PCDH9: variants seen among roughly 807,000 people sequenced by gnomAD.
The protein encoded by PCDH9 is protocadherin 9.
Under a neutral mutation model 70.6 loss-of-function variants are expected in PCDH9, and 24 were observed. The observed-to-expected ratio is 0.34, with a 90% CI of 0.25 to 0.48. The LOEUF is 0.48. PCDH9 is among the 20% of genes least tolerant of loss of function. The probability of loss-of-function intolerance (pLI) is 0.99; values close to 1 mark genes in which losing one functional copy is unlikely to be tolerated. For missense variants in PCDH9, 1,281 were observed against 1,503.6 expected (o/e 0.85, Z 2.45); for synonymous variants, 562 against 558.5 (o/e 1.01, Z -0.09).
chr13:67,210,846 A>G (rs2138081378), intron 2 of PCDH9: 1 of 152,162 alleles, frequency 6.6e-6, no homozygotes, highest in East Asian at 1.9e-4. Flanking sequence ...TACATTGCAT[A>G]GTCACTTATA....
At chr13:67,110,324 GGCCAAC>G (rs1292647759) in intron 2 of PCDH9, among the ~76,000 whole-genome samples, 1 of 151,896 alleles carries the variant, frequency 6.6e-6, no homozygotes, top group Non-Finnish European at 1.5e-5. Context: ...AGACCAGCCT[GGCCAAC>G]ACGGTGAAAC....
rs769228787 is a variant in PCDH9 at position 67,228,011 on chromosome 13, A to C, written c.430T>G (p.Ser144Ala). 6.2e-7 allele frequency: 1 copy of C among 1,614,070 alleles called. No homozygotes were observed. Residue 144 changes from serine to alanine, a missense_variant, in exon 2 of 5, where the codon TCT becomes GCT. Around this residue, in one of 4 missense-constraint regions of PCDH9, gnomAD observed 798 missense variants for 1,003.1 expected, o/e 0.80. Transcript: ENST00000377865. Reference protein sequence around the residue: ...DTNDNAPMFPSPVINISIPEN... With the variant: ...DTNDNAPMFPAPVINISIPEN... ...GGAATGGAAATATTGATGACAGGAGATGGAAACATGGGGGCATTATCATTG... is the reference window on the plus strand; with the variant it reads ...GGAATGGAAATATTGATGACAGGAGCTGGAAACATGGGGGCATTATCATTG...
intron 3 of PCDH9, among the ~76,000 whole-genome samples, chr13:66,773,438 C>A (rs1360151984): frequency 1.3e-5 from 2 of 151,496 alleles, no homozygotes; most frequent in African/African-American, 2.4e-5. Context: ...ACCATCCTGG[C>A]TAATACAGTG....
At chr13:67,030,014 A>C (rs756306061) in intron 2 of PCDH9, among the ~76,000 whole-genome samples, 6 of 152,184 alleles carry the variant, frequency 3.9e-5, no homozygotes, top group Non-Finnish European at 7.3e-5. Flanking sequence ...GAAAGAGACT[A>C]CATTTCATCT....
At chr13:66,752,368 C>T (rs1423350063) in intron 3 of PCDH9, among the ~76,000 whole-genome samples, 1 of 152,172 alleles carries the variant, frequency 6.6e-6, no homozygotes, top group African/African-American at 2.4e-5. Context: ...GCAATCTTGG[C>T]TCGCTGCAGC....
At chr13:66,355,946 T>G (rs1259240860) in intron 4 of PCDH9, among the ~76,000 whole-genome samples, 2 of 152,108 alleles carry the variant, frequency 1.3e-5, no homozygotes, top group Non-Finnish European at 2.9e-5. Context: ...ATAGTTCCCT[T>G]TAGGTGTCTA....
chr13:67,076,668 G>T (rs904206801), intron 2 of PCDH9, among the ~76,000 whole-genome samples: 3 of 152,106 alleles, frequency 2.0e-5, no homozygotes, highest in African/African-American at 7.2e-5. Flanking sequence ...ATCAGCATCT[G>T]CAAAGTCTTC....
At chr13:66,979,715 A>T (rs1483963059) in intron 2 of PCDH9, among the ~76,000 whole-genome samples, 6 of 152,130 alleles carry the variant, frequency 3.9e-5, no homozygotes, top group Admixed American at 3.3e-4. Context: ...CCCCCCTTAC[A>T]ACTCCAAACA....
intron 3 of PCDH9, among the ~76,000 whole-genome samples, chr13:66,730,458 C>G (rs1004147429): frequency 2.0e-5 from 3 of 152,110 alleles, no homozygotes; most frequent in African/African-American, 7.2e-5. Flanking sequence ...TCTAACATCT[C>G]TTCCTCTAGA....
At chr13:67,188,412 A>C (rs983022058) in intron 2 of PCDH9, among the ~76,000 whole-genome samples, 1 of 152,120 alleles carries the variant, frequency 6.6e-6, no homozygotes, top group African/African-American at 2.4e-5. Context: ...CAATGCTTTT[A>C]TTTATGAAAT....
intron 3 of PCDH9, among the ~76,000 whole-genome samples, chr13:66,824,987 A>G (rs999948000): frequency 7.9e-5 from 12 of 151,770 alleles, no homozygotes; most frequent in Non-Finnish European, 1.3e-4. Flanking sequence ...TAAATTGTGA[A>G]TCAGGGTTAA....
chr13:66,318,825 GC>G (rs1383305178), intron 4 of PCDH9, among the ~76,000 whole-genome samples: 1 of 152,070 alleles, frequency 6.6e-6, no homozygotes, highest in Non-Finnish European at 1.5e-5. Context: ...AATTAAATAT[GC>G]TTTATTATTT....
intron 4 of PCDH9, among the ~76,000 whole-genome samples, chr13:66,517,347 C>G (rs953337362): frequency 3.9e-5 from 6 of 152,088 alleles, no homozygotes; most frequent in Non-Finnish European, 7.4e-5. Context: ...TAAGCTTGAT[C>G]ACTTTAGCTT....
At chr13:66,424,516 C>A (rs2138358011) in intron 4 of PCDH9, among the ~76,000 whole-genome samples, 1 of 152,038 alleles carries the variant, frequency 6.6e-6, no homozygotes. Flanking sequence ...CCTAAAACTT[C>A]ATCATCTATA....
chr13:66,971,111 C>T (rs867875526), intron 2 of PCDH9, among the ~76,000 whole-genome samples: 1 of 152,150 alleles, frequency 6.6e-6, no homozygotes, highest in Middle Eastern at 3.4e-3. Flanking sequence ...TTTTTAGACT[C>T]TTCTGCCTTT....
intron 3 of PCDH9, among the ~76,000 whole-genome samples, chr13:66,897,128 C>A (rs2082194575): frequency 6.6e-6 from 1 of 151,888 alleles, no homozygotes; most frequent in African/African-American, 2.4e-5. Context: ...ACACAAAGAA[C>A]CATGTTTGTA....
chr13:66,597,042 T>C (rs2077112571), intron 4 of PCDH9, among the ~76,000 whole-genome samples: 1 of 151,684 alleles, frequency 6.6e-6, no homozygotes, highest in South Asian at 2.1e-4. Context: ...AAAAAATCAA[T>C]AAACCTTTTC....
intron 4 of PCDH9, among the ~76,000 whole-genome samples, chr13:66,443,569 A>AT: frequency 6.6e-6 from 1 of 152,172 alleles, no homozygotes; most frequent in Admixed American, 6.5e-5. Context: ...ATTTTCATGT[A>AT]TTTTTTTCAA....
intron 2 of PCDH9, among the ~76,000 whole-genome samples, chr13:67,109,326 T>G (rs1319243363): frequency 1.3e-5 from 2 of 152,214 alleles, no homozygotes; most frequent in Non-Finnish European, 2.9e-5. Flanking sequence ...TTTGAAGTTC[T>G]ATTGTGCCAA....
Sources: gnomAD v4.1 joint callset for allele counts (sites outside exome capture counted in the v4.1 genomes callset) on GRCh38, gnomAD v4.1.1 for gene constraint, gnomAD v4.1.1 regional missense constraint, MANE v1.5 for transcripts, NCBI Gene and HGNC (gene_info 2026-07-23, HGNC 2026-07-21) for gene names.